CNBD1: variants seen among roughly 807,000 people sequenced by gnomAD.
CNBD1 encodes the protein cyclic nucleotide binding domain containing 1.
CNBD1 carries 71 observed loss-of-function variants against 54.4 expected under a neutral mutation model. The observed-to-expected ratio is 1.30, with a 90% CI of 1.08 to 1.59. CNBD1 has a LOEUF of 1.59. Among genes scored for constraint, CNBD1 ranks in the 40% most tolerant of loss-of-function variants. CNBD1 has a pLI of 0.00. For synonymous variants in CNBD1, 182 were observed against 170.7 expected (o/e 1.07, Z -0.51); for missense variants, 659 against 518.0 (o/e 1.27, Z -2.64).
At position 87,200,239 on chromosome 8, in the gene CNBD1, A is replaced by C. The variant is rs374329650; in HGVS notation, c.432-5754A>C. On this transcript the variant is annotated intron_variant, in intron 4 of 10. Coordinates refer to ENST00000518476, the MANE Select transcript of CNBD1 (RefSeq NM_173538.3). The stretch of plus-strand genomic sequence containing the variant: ...CCAACCTGAGGGAAACTGTTAATCT[A>C]CTCACAGAAGAAATCAGTGAACTCC... Among the ~76,000 whole-genome samples, 15 of 152,094 alleles carry C rather than the reference A, an allele frequency of 9.9e-5. No homozygotes were observed. In the East Asian group the frequency reaches 1.7e-3, roughly 18 times the overall value.
chr8:86,901,034 C>A (rs1298031691), intron 2 of CNBD1, among the ~76,000 whole-genome samples: 1 of 152,038 alleles, frequency 6.6e-6, no homozygotes, highest in East Asian at 1.9e-4. Context: ...ACTCACATTT[C>A]CAAAAAATTT....
At chr8:87,397,169 G>T (rs1443424590) in intron 2 of CNBD1, among the ~76,000 whole-genome samples, 1 of 151,116 alleles carries the variant, frequency 6.6e-6, no homozygotes, top group Non-Finnish European at 1.5e-5. Context: ...CATATATTTT[G>T]GGTTATTCTT....
At chr8:87,316,117 T>A (rs533784525) in intron 8 of CNBD1, among the ~76,000 whole-genome samples, 1 of 151,992 alleles carries the variant, frequency 6.6e-6, no homozygotes, top group Non-Finnish European at 1.5e-5. Flanking sequence ...TAATAAAAAA[T>A]TAGTATTCTA....
At chr8:87,295,135 ATAT>A (rs1410710089) in intron 8 of CNBD1, among the ~76,000 whole-genome samples, 1 of 151,902 alleles carries the variant, frequency 6.6e-6, no homozygotes, top group Admixed American at 6.6e-5. Flanking sequence ...AGAGCTTCTA[ATAT>A]TATTACCAGA....
At chr8:87,389,550 T>C (rs1227234284) in intron 2 of CNBD1, among the ~76,000 whole-genome samples, 1 of 152,100 alleles carries the variant, frequency 6.6e-6, no homozygotes, top group Non-Finnish European at 1.5e-5. Flanking sequence ...ACAAGGGACA[T>C]GAATTACCTC....
intron 2 of CNBD1, among the ~76,000 whole-genome samples, chr8:86,902,828 C>A (rs1378945491): frequency 6.6e-6 from 1 of 151,982 alleles, no homozygotes; most frequent in Non-Finnish European, 1.5e-5. Flanking sequence ...TAATGCTAAA[C>A]ATTTCTTTGT....
At chr8:87,400,623 A>G (rs1029678371) in intron 2 of CNBD1, among the ~76,000 whole-genome samples, 13 of 152,082 alleles carry the variant, frequency 8.5e-5, no homozygotes, top group South Asian at 6.2e-4. Context: ...TATCCCTGTC[A>G]TTGCTATCCA....
intron 3 of CNBD1, among the ~76,000 whole-genome samples, chr8:86,929,428 C>G (rs1287261165): frequency 6.6e-6 from 1 of 152,202 alleles, no homozygotes; most frequent in Non-Finnish European, 1.5e-5. Flanking sequence ...CTTTCAAGTA[C>G]TGTTACATCA....
chr8:87,174,810 G>A (rs367878649), intron 4 of CNBD1, among the ~76,000 whole-genome samples: 22 of 152,268 alleles, frequency 1.4e-4, no homozygotes, highest in African/African-American at 4.8e-4. Context: ...GTAATGCTGT[G>A]GTTCTTGCAG....
At chr8:86,893,511 A>T (rs1808803509) in intron 2 of CNBD1, among the ~76,000 whole-genome samples, 1 of 152,162 alleles carries the variant, frequency 6.6e-6, no homozygotes, top group South Asian at 2.1e-4. Context: ...AAATTAGAGG[A>T]GTTGCTATAG....
chr8:87,117,190 AG>A (rs1013035578), intron 4 of CNBD1, among the ~76,000 whole-genome samples: 53 of 152,214 alleles, frequency 3.5e-4, no homozygotes, highest in African/African-American at 1.2e-3. Context: ...CGAAGTCAGG[AG>A]TTCGAGACCA....
At chr8:87,070,391 C>T (rs897000311) in intron 4 of CNBD1, among the ~76,000 whole-genome samples, 1 of 152,062 alleles carries the variant, frequency 6.6e-6, no homozygotes, top group Admixed American at 6.6e-5. Flanking sequence ...GAGAAATAAA[C>T]ATAAAATACA....
At chr8:86,915,930 T>C (rs1276958881) in intron 3 of CNBD1, among the ~76,000 whole-genome samples, 2 of 152,218 alleles carry the variant, frequency 1.3e-5, no homozygotes, top group African/African-American at 4.8e-5. Flanking sequence ...CATTTTCTAG[T>C]TGATGTTACA....
intron 4 of CNBD1, among the ~76,000 whole-genome samples, chr8:87,023,216 G>T (rs897415522): frequency 6.6e-6 from 1 of 152,086 alleles, no homozygotes; most frequent in African/African-American, 2.4e-5. Context: ...GAAGGTAACA[G>T]ATGAAAAATA....
intron 8 of CNBD1, among the ~76,000 whole-genome samples, chr8:87,330,495 T>C (rs1431597578): frequency 1.3e-5 from 2 of 152,136 alleles, no homozygotes; most frequent in East Asian, 3.8e-4. Context: ...TTCCTTTCAA[T>C]TAGTTCAACA....
Position 87,038,681 on chromosome 8 carries a change from T to C in CNBD1, c.431+98927T>C, listed in dbSNP as rs895468491. On this transcript the variant is annotated intron_variant, in intron 4 of 10. Transcript: ENST00000518476. ...TAATGTATTGGCCATTCATTACCTTTACAAAGGTAGTTTAGTTTTGAGGAA... is the reference window on the plus strand; with the variant it reads ...TAATGTATTGGCCATTCATTACCTTCACAAAGGTAGTTTAGTTTTGAGGAA... Among the ~76,000 whole-genome samples, 4 of 152,368 alleles carry C rather than the reference T, an allele frequency of 2.6e-5. No individual in the cohort carries two copies. The South Asian group carries it at 6.2e-4, about 24-fold the overall frequency.
intron 10 of CNBD1, among the ~76,000 whole-genome samples, chr8:87,354,340 G>C (rs999172508): frequency 6.6e-6 from 1 of 152,014 alleles, no homozygotes; most frequent in African/African-American, 2.4e-5. Context: ...AGGGGTACTT[G>C]GTGGATCCCA....
intron 4 of CNBD1, among the ~76,000 whole-genome samples, chr8:86,996,010 C>A (rs890063878): frequency 2.0e-5 from 3 of 152,114 alleles, no homozygotes; most frequent in Admixed American, 6.5e-5. Context: ...TCCACTTATA[C>A]CCCCAGTCTA....
At chr8:87,291,007 C>G (rs1305697738) in intron 8 of CNBD1, among the ~76,000 whole-genome samples, 2 of 152,114 alleles carry the variant, frequency 1.3e-5, no homozygotes, top group Non-Finnish European at 2.9e-5. Context: ...TTACTAATCT[C>G]TCTGTTTCTG....
Sources: gnomAD v4.1 joint callset for allele counts (sites outside exome capture counted in the v4.1 genomes callset) on GRCh38, gnomAD v4.1.1 for gene constraint, MANE v1.5 for transcripts, NCBI Gene and HGNC (gene_info 2026-07-23, HGNC 2026-07-21) for gene names.